The following GRHL3 variants were observed in gnomAD, a reference collection of about 807,000 sequenced individuals.
GRHL3 encodes the protein grainyhead like transcription factor 3, also known as grainyhead-like protein 3 homolog.
A neutral mutation model predicts 70.3 loss-of-function variants in GRHL3; 20 were observed. The ratio of observed to expected loss-of-function variants is 0.28; its 90% CI spans 0.20 to 0.41. GRHL3 has a LOEUF of 0.41. GRHL3 is among the 10% of genes least tolerant of loss of function. The pLI is 1.00. For missense variants in GRHL3, 637 were observed against 762.3 expected, an observed-to-expected ratio of 0.84 and a Z score of 1.94; for synonymous variants, 299 against 299.9, an observed-to-expected ratio of 1.00 and a Z score of 0.03.
At chr1:24,362,323 G>A (rs16829480) in intron 15 of GRHL3, among the ~76,000 whole-genome samples, 9,511 of 152,272 alleles carry the variant, frequency 0.062, 569 homozygotes, top group African/African-American at 0.15. Context: ...ACCTTTGTAG[G>A]AATGCTGGCA....
At chr1:24,329,255 C>T (rs771198604) in intron 1 of GRHL3, among the ~76,000 whole-genome samples, 1 of 152,186 alleles carries the variant, frequency 6.6e-6, no homozygotes, top group Non-Finnish European at 1.5e-5. Flanking sequence ...TGGATGAAGC[C>T]GCTGGGAGAG....
At chr1:24,336,403 C>A in intron 3 of GRHL3, 79 bp from the exon 4 acceptor site, 1 of 874,068 alleles carries the variant, frequency 1.1e-6, no homozygotes, top group Non-Finnish European at 1.8e-6. Flanking sequence ...GCCAGTGTGT[C>A]AGTTGCCTTG....
intron 4 of GRHL3, 25 bp from the exon 5 acceptor site, chr1:24,337,053 C>A (rs1487926334): frequency 6.8e-6 from 11 of 1,608,186 alleles, no homozygotes; most frequent in Non-Finnish European, 9.4e-6. Flanking sequence ...AGCATTTATT[C>A]TCTTGGGGCT....
Position 24,361,111 on chromosome 1 carries a change from A to G in GRHL3, c.1695-3074A>G, listed in dbSNP as rs529236101. ...TGGGGAAGGCACAGTTTCTAGACAC[A>G]GCCAAGACCTGCACAGCAGCAAGCT... On this transcript the variant is annotated intron_variant, in intron 15 of 15. Coordinates refer to the GRHL3 transcript ENST00000350501. The G allele has an allele frequency of 2.5e-5, 35 of 1,375,726 alleles. No individual in the cohort carries two copies. The Middle Eastern group carries it at 9.6e-4, about 38-fold the overall frequency. 85.2% of individuals were successfully genotyped at this position (1,375,726 alleles called of 1,614,324 possible). A position where few individuals can be genotyped will look rare whatever the true frequency, so the allele number is the denominator to read the frequency against.
chr1:24,356,523 G>A (rs1640723867), downstream of GRHL3, among the ~76,000 whole-genome samples: 1 of 152,264 alleles, frequency 6.6e-6, no homozygotes, highest in Non-Finnish European at 1.5e-5. Context: ...ACAGGCGTGA[G>A]CCACCGTGTC....
intron 1 of GRHL3, chr1:24,323,183 G>A (rs1639268770): frequency 1.1e-6 from 1 of 925,350 alleles, no homozygotes; most frequent in Non-Finnish European, 1.7e-6. Context: ...AGTCGTTAAG[G>A]GGAAGAGAGG....
In GRHL3 at chr1:24,342,347, C is replaced by T. The variant is rs1640076726; in HGVS notation, c.1206+74C>T. The T allele has an allele frequency of 3.1e-6, 4 of 1,304,554 alleles. No individual in the cohort carries two copies. The highest frequency in any genetic ancestry group is 4.3e-6 in the Non-Finnish European group (4 of 939,622). 80.8% of individuals were successfully genotyped at this position (1,304,554 alleles called of 1,614,324 possible). ...GCCAAACCCTGACCCGTGCGTCCTC[C>T]TAGCTTCTCTGGGTTGTCTGTCTCT... is the stretch of plus-strand genomic sequence containing the variant. On this transcript the variant is annotated intron_variant, in intron 9 of 15. Coordinates refer to ENST00000361548, the MANE Select transcript of GRHL3 (RefSeq NM_198173.3). This position sits in a 1 kb window ranked among gnomAD's most constrained non-coding sequence, Gnocchi z 4.8.
chr1:24,325,160 G>C (rs1639345469), intron 1 of GRHL3, among the ~76,000 whole-genome samples: 1 of 152,084 alleles, frequency 6.6e-6, no homozygotes, highest in South Asian at 2.1e-4. Flanking sequence ...GGAGTATCTG[G>C]GTGTCAACAC....
chr1:24,332,160 GCC>G (rs1639638240), intron 2 of GRHL3, among the ~76,000 whole-genome samples: 1 of 152,088 alleles, frequency 6.6e-6, no homozygotes, highest in Non-Finnish European at 1.5e-5. Flanking sequence ...ACCTGGTACA[GCC>G]CCACCACCTG....
At chr1:24,363,276 C>A (rs906238247) in intron 15 of GRHL3, among the ~76,000 whole-genome samples, 1 of 152,182 alleles carries the variant, frequency 6.6e-6, no homozygotes, top group African/African-American at 2.4e-5. Context: ...CTTCAGTATG[C>A]CCAGGAGAGG....
chr1:24,320,426 G>A (rs1208332074), intron 1 of GRHL3, among the ~76,000 whole-genome samples: 1 of 152,150 alleles, frequency 6.6e-6, no homozygotes, highest in Non-Finnish European at 1.5e-5. Flanking sequence ...TGTCCTTCTT[G>A]GGGTCCAGAC....
rs777234225 is a variant in GRHL3 at position 24,355,310 on chromosome 1, G to A, written c.*822G>A. On this transcript the variant is annotated 3_prime_UTR_variant, in exon 16 of 16. Transcript: ENST00000361548. ...TAATAAAAATCTATCTATGTATTAC[G>A]TCACATTACTTCACATGCTGCTCTC... 10 of 152,542 alleles carry A rather than the reference G, an allele frequency of 6.6e-5. No homozygotes were observed. Among genetic ancestry groups the A allele is most frequent in the African/African-American group, 2.2e-4 (9 of 41,490 alleles). The allele number at this position is 152,542 out of a possible 1,614,324, so 9.4% of individuals were successfully genotyped here. A position where few individuals can be genotyped will look rare whatever the true frequency, so the allele number is the denominator to read the frequency against.
intron 1 of GRHL3, among the ~76,000 whole-genome samples, chr1:24,326,779 C>A (rs1006374197): frequency 6.6e-6 from 1 of 152,150 alleles, no homozygotes; most frequent in African/African-American, 2.4e-5. Context: ...AAAGTGCTAG[C>A]CATAGAGTTC....
At chr1:24,335,804 G>A (rs1298131042) in intron 3 of GRHL3, among the ~76,000 whole-genome samples, 5 of 152,118 alleles carry the variant, frequency 3.3e-5, no homozygotes, top group East Asian at 3.9e-4. Context: ...GGATGGTCTC[G>A]ATCTCCTGAC....
At chr1:24,343,216 G>T (rs1640119748) in intron 11 of GRHL3, 191 bp downstream of exon 11, 1 of 577,530 alleles carries the variant, frequency 1.7e-6, no homozygotes, top group Non-Finnish European at 3.0e-6. Context: ...TTGAAGAGAA[G>T]AATGTTATGA....
In GRHL3 at chr1:24,346,425, TC is replaced by T. The variant is rs1279714158; in HGVS notation, c.1455-125del. On this transcript the variant is annotated intron_variant, in intron 12 of 15. Coordinates refer to ENST00000361548, the MANE Select transcript of GRHL3 (RefSeq NM_198173.3). The stretch of plus-strand genomic sequence containing the variant: ...CAGACCTGCTGCTTTACCCCCACTG[TC>T]CCTCTGCTTTGCATCCACCCTTGTG... 5 of 627,066 alleles carry T rather than the reference TC, an allele frequency of 8.0e-6. No homozygotes were observed. In the African/African-American group the frequency reaches 9.1e-5, roughly 11 times the overall value. 38.8% of individuals were successfully genotyped at this position (627,066 alleles called of 1,614,324 possible).
intron 15 of GRHL3, among the ~76,000 whole-genome samples, chr1:24,350,504 T>C (rs761775909): frequency 3.9e-5 from 6 of 152,218 alleles, no homozygotes; most frequent in African/African-American, 4.8e-5. Flanking sequence ...AAGCACACAC[T>C]ACTTAACTCT....
At chr1:24,339,124 G>T (rs148120150) in intron 7 of GRHL3, among the ~76,000 whole-genome samples, 28 of 152,276 alleles carry the variant, frequency 1.8e-4, no homozygotes, top group Admixed American at 3.9e-4. Context: ...CAAAGCTTGG[G>T]ATTCCCTCTG....
chr1:24,333,021 C>T lies in GRHL3; in HGVS notation c.204+1409C>T, dbSNP rs577401355. 2.4e-4 allele frequency among the ~76,000 whole-genome samples: 37 copies of T among 152,340 alleles called. No homozygotes were observed. In the South Asian group the frequency reaches 7.7e-3, roughly 32 times the overall value. On this transcript the variant is annotated intron_variant, in intron 2 of 15. Transcript: ENST00000361548. Reference sequence around the variant, plus strand: ...GAATTCTAGATCTAGGTTCAAACTGCAGCCTGGGATTTATAGGTTGAGGAT... The same window carrying T: ...GAATTCTAGATCTAGGTTCAAACTGTAGCCTGGGATTTATAGGTTGAGGAT...
Sources: allele counts gnomAD v4.1 joint callset (sites outside exome capture counted in the v4.1 genomes callset), GRCh38; gene constraint gnomAD v4.1.1; non-coding constraint Gnocchi (gnomAD v3.1); transcripts MANE v1.5; gene names NCBI Gene and HGNC (gene_info 2026-07-23, HGNC 2026-07-21).